The following ADAMTSL1 variants were observed in gnomAD, a reference collection of about 807,000 sequenced individuals.
ADAMTSL1 encodes ADAMTS like 1, also known as ADAMTS-like protein 1.
Under a neutral mutation model 201.8 loss-of-function variants are expected in ADAMTSL1, and 126 were observed. That is an observed-to-expected ratio of 0.62 (90% CI 0.54 to 0.72). The LOEUF (loss-of-function observed/expected upper bound fraction) is 0.72. Among genes scored for constraint, ADAMTSL1 ranks in the 30% least tolerant of loss-of-function variants. ADAMTSL1 has a pLI of 0.00. For missense variants in ADAMTSL1, 2,679 were observed against 2,277.8 expected (o/e 1.18, Z -3.59); for synonymous variants, 1,121 against 903.4 (o/e 1.24, Z -4.32).
At chr9:18,218,379 C>A (rs75078605) in intron 2 of ADAMTSL1, among the ~76,000 whole-genome samples, 2,421 of 152,234 alleles carry the variant, frequency 0.016, 36 homozygotes, top group Non-Finnish European at 0.025. Context: ...CTAATTCTTA[C>A]TGTAATCATT....
intron 7 of ADAMTSL1, among the ~76,000 whole-genome samples, chr9:18,646,631 G>T (rs1339554946): frequency 6.7e-6 from 1 of 148,478 alleles, no homozygotes; most frequent in Non-Finnish European, 1.5e-5. Context: ...GGCCTTTTCT[G>T]CATCTATTGA....
At chr9:18,331,909 G>A (rs1048641550) in intron 2 of ADAMTSL1, among the ~76,000 whole-genome samples, 6 of 152,180 alleles carry the variant, frequency 3.9e-5, no homozygotes, top group Non-Finnish European at 8.8e-5. Context: ...CACTGAGACA[G>A]GAGGGGAGAA....
intron 26 of ADAMTSL1, among the ~76,000 whole-genome samples, chr9:18,894,998 T>G (rs1829531397): frequency 6.6e-6 from 1 of 152,156 alleles, no homozygotes. Flanking sequence ...TCCAACAGAA[T>G]AAACAAAATA....
intron 2 of ADAMTSL1, among the ~76,000 whole-genome samples, chr9:18,169,722 G>A (rs913614538): frequency 2.6e-5 from 4 of 152,056 alleles, no homozygotes; most frequent in Non-Finnish European, 5.9e-5. Flanking sequence ...GGGCAGTATG[G>A]CTATTTTCAT....
intron 2 of ADAMTSL1, among the ~76,000 whole-genome samples, chr9:18,166,636 T>C (rs182564206): frequency 1.0e-3 from 154 of 152,038 alleles, no homozygotes; most frequent in Non-Finnish European, 1.8e-3. Flanking sequence ...ACATAGAGCA[T>C]TTTGGACAGA....
Position 18,889,658 on chromosome 9 carries a change from A to G in ADAMTSL1, c.4553A>G (p.Asn1518Ser), listed in dbSNP as rs1829121572. 6.2e-7 allele frequency: 1 copy of G among 1,611,682 alleles called. No individual in the cohort carries two copies. The highest frequency in any genetic ancestry group is 1.1e-5 in the South Asian group (1 of 90,796). The change falls in exon 25 of 29, where the codon AAC becomes AGC. Residue 1518 changes from asparagine (N) to serine (S), a missense_variant. By Grantham distance (46) the Asn-to-Ser change is conservative (BLOSUM62 1). Transcript: ENST00000380548. Reference sequence around the variant, plus strand: ...CAGCCCCGCTTGAGGTGCCTGCTGAACAGCACGGAGGTCAACCCTGCCCAC... The same window carrying G: ...CAGCCCCGCTTGAGGTGCCTGCTGAGCAGCACGGAGGTCAACCCTGCCCAC... ...VQQPRLRCLL[N>S]STEVNPAHCA...
At chr9:18,258,282 A>G (rs1831772164) in intron 2 of ADAMTSL1, among the ~76,000 whole-genome samples, 1 of 152,248 alleles carries the variant, frequency 6.6e-6, no homozygotes, top group Non-Finnish European at 1.5e-5. Context: ...TACGCAAGAA[A>G]AAGATCAATG....
At chr9:18,871,065 G>GAGAT (rs1188320003) in intron 23 of ADAMTSL1, among the ~76,000 whole-genome samples, 3 of 152,168 alleles carry the variant, frequency 2.0e-5, no homozygotes, top group Non-Finnish European at 4.4e-5. Context: ...ATTATATAAA[G>GAGAT]AGATAGGTGT....
Position 18,846,436 on chromosome 9 carries a change from T to C in ADAMTSL1, c.4249+16459T>C, listed in dbSNP as rs989849481. On this transcript the variant is annotated intron_variant, in intron 23 of 28. Transcript: ENST00000380548. ...AGGAGCCGGCAGAGGTTATAAAGAATGAAAATAGAAAACCTTTCAAGAACC... is the reference window on the plus strand; with the variant it reads ...AGGAGCCGGCAGAGGTTATAAAGAACGAAAATAGAAAACCTTTCAAGAACC... Among the ~76,000 whole-genome samples, 7 of 152,118 alleles carry C rather than the reference T, an allele frequency of 4.6e-5. 1 individual carries two copies.
intron 26 of ADAMTSL1, among the ~76,000 whole-genome samples, chr9:18,898,248 A>T (rs1232172010): frequency 1.3e-5 from 2 of 152,214 alleles, no homozygotes; most frequent in African/African-American, 4.8e-5. Flanking sequence ...TTGTAACCCA[A>T]TGCAAAGAAG....
intron 4 of ADAMTSL1, among the ~76,000 whole-genome samples, chr9:18,576,169 T>C (rs1303365394): frequency 6.6e-6 from 1 of 152,188 alleles, no homozygotes; most frequent in Non-Finnish European, 1.5e-5. Flanking sequence ...TTGTAACTTA[T>C]ACGTAGAAAT....
In ADAMTSL1 at chr9:18,415,624, A is replaced by G. The variant is rs142214627; in HGVS notation, c.208-89205A>G. 2.2e-3 allele frequency among the ~76,000 whole-genome samples: 334 copies of G among 152,172 alleles called. 3 individuals are homozygous for G. Among genetic ancestry groups the G allele is most frequent in the African/African-American group, 7.8e-3 (325 of 41,556 alleles). ...AGTTGGGAGGGGGTACAGAGAAAAT[A>G]CTATTTGAAGAAATGGCCAGGAATT... On this transcript the variant is annotated intron_variant, in intron 2 of 29. Transcript: ENST00000680146.
At chr9:18,840,370 A>C (rs147260605) in intron 23 of ADAMTSL1, among the ~76,000 whole-genome samples, 4,879 of 151,464 alleles carry the variant, frequency 0.032, 252 homozygotes, top group African/African-American at 0.11. Flanking sequence ...ATTTCTGAGG[A>C]CTCTGTTCTG....
chr9:18,828,660 T>TA (rs1554643932), intron 22 of ADAMTSL1, among the ~76,000 whole-genome samples: 86 of 28,458 alleles, frequency 3.0e-3, no homozygotes, highest in Non-Finnish European at 5.4e-3. Flanking sequence ...GAAAGTATAT[T>TA]TATATATATA....
chr9:18,834,845 C>G (rs897599399), intron 23 of ADAMTSL1, among the ~76,000 whole-genome samples: 1 of 152,166 alleles, frequency 6.6e-6, no homozygotes, highest in African/African-American at 2.4e-5. Flanking sequence ...ATTGTATATA[C>G]TACAGTTTGT....
chr9:18,010,072 G>A (rs937002374), intron 1 of ADAMTSL1, among the ~76,000 whole-genome samples: 3 of 151,988 alleles, frequency 2.0e-5, no homozygotes, highest in African/African-American at 7.2e-5. Flanking sequence ...TACTGTGTGT[G>A]GTTAAATTAC....
intron 2 of ADAMTSL1, among the ~76,000 whole-genome samples, chr9:18,213,162 C>G (rs992276832): frequency 6.6e-6 from 1 of 152,198 alleles, no homozygotes; most frequent in Non-Finnish European, 1.5e-5. Flanking sequence ...AAGCTCTGCT[C>G]TTCCCTCTTT....
intron 1 of ADAMTSL1, among the ~76,000 whole-genome samples, chr9:18,011,907 G>C (rs1820068061): frequency 6.6e-6 from 1 of 152,008 alleles, no homozygotes; most frequent in Non-Finnish European, 1.5e-5. Flanking sequence ...CAATCGAAGA[G>C]AGTTGCCGGT....
At chr9:17,958,153 C>A (rs565061259) in intron 1 of ADAMTSL1, among the ~76,000 whole-genome samples, 2 of 152,058 alleles carry the variant, frequency 1.3e-5, no homozygotes, top group Non-Finnish European at 2.9e-5. Context: ...TACCTCTTTC[C>A]ATTCAAACCC....
Sources: gnomAD v4.1 joint callset for allele counts (sites outside exome capture counted in the v4.1 genomes callset) on GRCh38, gnomAD v4.1.1 for gene constraint, MANE v1.5 for transcripts, NCBI Gene and HGNC (gene_info 2026-07-23, HGNC 2026-07-21) for gene names.